EPM2A: variants seen among roughly 807,000 people sequenced by gnomAD.
EPM2A encodes EPM2A glucan phosphatase, laforin.
In EPM2A, 21 loss-of-function variants were observed where a neutral mutation model predicts 26.5. That is an observed-to-expected ratio of 0.79 (90% CI 0.56 to 1.14). The LOEUF (loss-of-function observed/expected upper bound fraction) is 1.14. Among genes scored for constraint, EPM2A ranks in the 50% most tolerant of loss-of-function variants. The probability of loss-of-function intolerance (pLI) is 0.00; values close to 1 mark genes in which losing one functional copy is unlikely to be tolerated. For synonymous variants in EPM2A, 217 were observed against 177.6 expected, an observed-to-expected ratio of 1.22 and a Z score of -1.76; for missense variants, 458 against 440.8, an observed-to-expected ratio of 1.04 and a Z score of -0.35.
intron 2 of EPM2A, among the ~76,000 whole-genome samples, chr6:145,656,150 T>A (rs1278407786): frequency 6.6e-6 from 1 of 152,206 alleles, no homozygotes; most frequent in South Asian, 2.1e-4. Context: ...TCAAGGGGGC[T>A]GACTAGAGAC....
chr6:145,734,353 TA>T (rs933167388), intron 1 of EPM2A, among the ~76,000 whole-genome samples: 35 of 145,336 alleles, frequency 2.4e-4, no homozygotes, highest in South Asian at 4.4e-4. Flanking sequence ...ACAATTTTTG[TA>T]AAAAAAAAAA....
chr6:145,615,120 G>A (rs1775477569), intron 2 of EPM2A, among the ~76,000 whole-genome samples: 1 of 152,160 alleles, frequency 6.6e-6, no homozygotes. Flanking sequence ...TTTTCAGCAA[G>A]CATGATATGG....
intron 2 of EPM2A, among the ~76,000 whole-genome samples, chr6:145,652,676 G>A (rs1436712309): frequency 6.6e-6 from 1 of 151,698 alleles, no homozygotes; most frequent in Non-Finnish European, 1.5e-5. Context: ...AAATAGCACA[G>A]ATGAGTTTGG....
downstream of EPM2A, chr6:145,501,524 T>C (rs142413942): frequency 1.9e-3 from 470 of 253,908 alleles, 2 homozygotes; most frequent in African/African-American, 8.1e-3. Flanking sequence ...TGGTATATAA[T>C]TGACATAACT....
At chr6:145,654,166 T>C (rs1183974878) in intron 2 of EPM2A, among the ~76,000 whole-genome samples, 3 of 151,088 alleles carry the variant, frequency 2.0e-5, no homozygotes, top group Non-Finnish European at 4.4e-5. Context: ...TAAGTGTAAA[T>C]TTTAACATTT....
intron 2 of EPM2A, chr6:145,636,540 G>C (rs1187634595): frequency 6.6e-6 from 1 of 151,948 alleles, no homozygotes; most frequent in African/African-American, 2.4e-5. Context: ...TGAAGTTTTA[G>C]AAAGACAGTG....
At chr6:145,550,339 T>C (rs1443540873) in intron 2 of EPM2A, among the ~76,000 whole-genome samples, 1 of 152,026 alleles carries the variant, frequency 6.6e-6, no homozygotes, top group African/African-American at 2.4e-5. Flanking sequence ...AAGTAGCCTA[T>C]ATCCTTCCTC....
intron 2 of EPM2A, among the ~76,000 whole-genome samples, chr6:145,562,043 T>C (rs1780812231): frequency 6.8e-6 from 1 of 146,816 alleles, no homozygotes; most frequent in South Asian, 2.1e-4. Context: ...TGCACATATA[T>C]CCCAGAACTT....
At chr6:145,485,000 T>C (rs988800705) in intron 4 of EPM2A, among the ~76,000 whole-genome samples, 2 of 148,292 alleles carry the variant, frequency 1.3e-5, no homozygotes, top group African/African-American at 4.9e-5. Context: ...AATATATATA[T>C]ATATATTATA....
chr6:145,686,794 A>C (rs561834743), intron 1 of EPM2A: 1 of 163,512 alleles, frequency 6.1e-6, no homozygotes, highest in Admixed American at 6.0e-5. Context: ...TCTACTTTAC[A>C]GGTAAAACAG....
intron 4 of EPM2A, among the ~76,000 whole-genome samples, chr6:145,405,392 T>C (rs528850737): frequency 1.3e-5 from 2 of 152,180 alleles, no homozygotes; most frequent in South Asian, 4.1e-4. Context: ...TACCAGACAG[T>C]CCTTTCATCC....
chr6:145,426,594 A>G (rs1247993522), intron 4 of EPM2A, among the ~76,000 whole-genome samples: 2 of 152,232 alleles, frequency 1.3e-5, no homozygotes, highest in Non-Finnish European at 2.9e-5. Context: ...AGAGAAATAT[A>G]CATACCTGTA....
chr6:145,604,751 A>G (rs1781460133), intron 2 of EPM2A, among the ~76,000 whole-genome samples: 1 of 152,176 alleles, frequency 6.6e-6, no homozygotes, highest in Admixed American at 6.5e-5. Flanking sequence ...AATAGAAGAG[A>G]AAACGAAGGC....
chr6:145,491,725 C>T, intron 4 of EPM2A: 2 of 497,826 alleles, frequency 4.0e-6, no homozygotes, highest in Non-Finnish European at 8.2e-6. Flanking sequence ...CCAGAATTTC[C>T]CTGCCTCCTG....
intron 4 of EPM2A, among the ~76,000 whole-genome samples, chr6:145,400,277 C>G (rs1778465268): frequency 6.6e-6 from 1 of 152,138 alleles, no homozygotes; most frequent in African/African-American, 2.4e-5. Flanking sequence ...TCCTAAGACA[C>G]CCAACCAACT....
intron 4 of EPM2A, among the ~76,000 whole-genome samples, chr6:145,484,666 G>C (rs1779651355): frequency 1.3e-5 from 2 of 151,956 alleles, no homozygotes; most frequent in Non-Finnish European, 2.9e-5. Flanking sequence ...GGATTGTTCA[G>C]AGGATTAATA....
At chr6:145,615,925 GA>G (rs1775503209) in intron 2 of EPM2A, among the ~76,000 whole-genome samples, 1 of 152,146 alleles carries the variant, frequency 6.6e-6, no homozygotes, top group African/African-American at 2.4e-5. Flanking sequence ...TTTTAAAAGG[GA>G]AACAAAGCAT....
chr6:145,683,296 TGTGTGTGTGTGA>T (rs1340089735), intron 2 of EPM2A, among the ~76,000 whole-genome samples: 29 of 149,806 alleles, frequency 1.9e-4, no homozygotes, highest in African/African-American at 6.1e-4. Flanking sequence ...TGTGTGTGTG[TGTGTGTGTGTGA>T]GTGTGTATAT....
chr6:145,384,152 T>C (rs1778226981), intron 4 of EPM2A: 1 of 152,152 alleles, frequency 6.6e-6, no homozygotes, highest in African/African-American at 2.4e-5. Context: ...TTTGTATTTG[T>C]ATGAGATCTT....
Sources: gnomAD v4.1 joint callset for allele counts (sites outside exome capture counted in the v4.1 genomes callset) on GRCh38, gnomAD v4.1.1 for gene constraint, MANE v1.5 for transcripts, NCBI Gene and HGNC (gene_info 2026-07-23, HGNC 2026-07-21) for gene names.